Variants in DNAJC10 observed in about 807,000 individuals in gnomAD.
The protein encoded by DNAJC10 is endoplasmic reticulum disulfide reductase DNAJC10.
DNAJC10 carries 101 observed loss-of-function variants against 115.0 expected under a neutral mutation model. That is an observed-to-expected ratio of 0.88 (90% CI 0.75 to 1.04). The LOEUF is 1.04. DNAJC10 is among the 50% of genes least tolerant of loss of function. The pLI is 0.00. For missense variants in DNAJC10, 981 were observed against 928.8 expected (o/e 1.06, Z -0.73); for synonymous variants, 307 against 301.5 (o/e 1.02, Z -0.19).
chr2:182,738,430 A>G (rs1487056385), intron 11 of DNAJC10, among the ~76,000 whole-genome samples: 1 of 152,192 alleles, frequency 6.6e-6, no homozygotes, highest in Admixed American at 6.5e-5. Context: ...AGAAAATTAC[A>G]AGGTCAAAGG....
chr2:182,770,392 A>C (rs1694529855), intron 22 of DNAJC10, among the ~76,000 whole-genome samples: 1 of 152,200 alleles, frequency 6.6e-6, no homozygotes, highest in Non-Finnish European at 1.5e-5. Flanking sequence ...TTGAATCTAT[A>C]AATTACTTTG....
intron 4 of DNAJC10, 149 bp from the exon 5 acceptor site, chr2:182,721,876 T>C: frequency 2.1e-6 from 1 of 474,220 alleles, no homozygotes; most frequent in Non-Finnish European, 3.7e-6. Context: ...TTTACTTTTT[T>C]TTCACTTAGG....
At chr2:182,773,275 C>T (rs1694614857) in intron 22 of DNAJC10, among the ~76,000 whole-genome samples, 1 of 152,126 alleles carries the variant, frequency 6.6e-6, no homozygotes, top group East Asian at 1.9e-4. Flanking sequence ...TTTTTTCCTT[C>T]ATATCAACCT....
intron 9 of DNAJC10, among the ~76,000 whole-genome samples, chr2:182,731,345 T>A (rs1280281280): frequency 1.3e-5 from 2 of 152,116 alleles, no homozygotes; most frequent in Non-Finnish European, 2.9e-5. Context: ...TTTTTCAGCT[T>A]AGACTCATGA....
intron 15 of DNAJC10, 27 bp from the exon 16 acceptor site, chr2:182,752,045 T>G: frequency 1.3e-6 from 2 of 1,553,126 alleles, no homozygotes; most frequent in Non-Finnish European, 8.9e-7. Context: ...TTTGGCTCGG[T>G]GCTTATGAAT....
rs1693395093 is a variant in DNAJC10 at position 182,729,807 on chromosome 2, G to T, written c.634-41G>T. On this transcript the variant is annotated intron_variant, in intron 7 of 23. Transcript: ENST00000264065. The stretch of plus-strand genomic sequence containing the variant: ...TATTATTTTTATTGAGTTTTAAAAA[G>T]AAAAAGTAAAAGATGTTTCTCTTCT... The T allele has an allele frequency of 3.7e-6, 5 of 1,363,364 alleles. No homozygotes were observed. In the Middle Eastern group the frequency reaches 7.4e-4, roughly 202 times the overall value. The allele number at this position is 1,363,364 out of a possible 1,614,324, so 84.5% of individuals were successfully genotyped here. A position where few individuals can be genotyped will look rare whatever the true frequency, so the allele number is the denominator to read the frequency against.
Position 182,785,296 on chromosome 2 carries a change from T to G in DNAJC10, c.*8164T>G, listed in dbSNP as rs1336864659. 6.6e-6 allele frequency: 1 copy of G among 150,462 alleles called. No homozygotes were observed. The allele number at this position is 150,462 out of a possible 1,614,324, so 9.3% of individuals were successfully genotyped here. A position where few individuals can be genotyped will look rare whatever the true frequency, so the allele number is the denominator to read the frequency against. ...CATAAAATTGGACTAATAGCTTAATTTTTTTTTTTAATTCAAAAATCTCAG... is the reference window on the plus strand; with the variant it reads ...CATAAAATTGGACTAATAGCTTAATGTTTTTTTTTAATTCAAAAATCTCAG... On this transcript the variant is annotated 3_prime_UTR_variant, in exon 24 of 24. Coordinates refer to ENST00000264065, the MANE Select transcript of DNAJC10 (RefSeq NM_018981.4).
rs201715091 is a variant in DNAJC10, at chr2:182,743,733, T to TA, written c.1306+30dup. On this transcript the variant is annotated intron_variant, in intron 14 of 23. Coordinates refer to ENST00000264065, the MANE Select transcript of DNAJC10 (RefSeq NM_018981.4). ...TCATGGTAAGAATGGAAAAAAATGA[T>TA]AAAAAAAAACTTAGCTTCATTTTCA... The TA allele has an allele frequency of 1.6e-3, 2,338 of 1,499,054 alleles. 6 individuals carry two copies. Among genetic ancestry groups the TA allele is most frequent in the East Asian group, 0.015 (639 of 44,050 alleles). 92.9% of individuals were successfully genotyped at this position (1,499,054 alleles called of 1,614,324 possible).
chr2:182,777,925 G>GA lies in DNAJC10; in HGVS notation c.*800dup, dbSNP rs1303501751. On this transcript the variant is annotated 3_prime_UTR_variant, in exon 24 of 24. Transcript: ENST00000264065. Reference sequence around the variant, plus strand: ...CCGTATCATCCAGGAAAACCTGAGGGAAAAAAATTATAGCAATTAACTGGG... The same window carrying GA: ...CCGTATCATCCAGGAAAACCTGAGGGAAAAAAAATTATAGCAATTAACTGGG... 3 of 152,066 alleles carry GA rather than the reference G, an allele frequency of 2.0e-5. No individual in the cohort carries two copies. Among genetic ancestry groups the GA allele is most frequent in the Non-Finnish European group, 2.9e-5 (2 of 68,008 alleles). The allele number at this position is 152,066 out of a possible 1,614,324, so 9.4% of individuals were successfully genotyped here. A position where few individuals can be genotyped will look rare whatever the true frequency, so the allele number is the denominator to read the frequency against.
At chr2:182,746,705 C>G (rs562196306) in intron 14 of DNAJC10, among the ~76,000 whole-genome samples, 7 of 152,242 alleles carry the variant, frequency 4.6e-5, no homozygotes, top group South Asian at 2.1e-4. Flanking sequence ...ATGGTACTTT[C>G]TTTTGCTGTG....
chr2:182,776,049 A>C (rs1356490338), intron 23 of DNAJC10, among the ~76,000 whole-genome samples: 1 of 152,166 alleles, frequency 6.6e-6, no homozygotes, highest in Non-Finnish European at 1.5e-5. Context: ...TTGTAATGAC[A>C]GTTGGACAAC....
chr2:182,733,523 T>A (rs1401522093), intron 10 of DNAJC10, among the ~76,000 whole-genome samples: 3 of 151,696 alleles, frequency 2.0e-5, no homozygotes, highest in African/African-American at 4.8e-5. Context: ...ATTTTTTTTT[T>A]AATATTTGGT....
At chr2:182,757,304 TTTTTAAG>T (rs1338946666) in intron 18 of DNAJC10, among the ~76,000 whole-genome samples, 9 of 152,316 alleles carry the variant, frequency 5.9e-5, no homozygotes, top group African/African-American at 1.7e-4. Flanking sequence ...TTCAATAAAA[TTTTTAAG>T]TTCAGGTGTG....
Position 182,778,300 on chromosome 2 carries a change from T to C in DNAJC10, c.*1168T>C, listed in dbSNP as rs1003988176. 1 of 152,170 alleles carries C rather than the reference T, an allele frequency of 6.6e-6. No homozygotes were observed. Among genetic ancestry groups the C allele is most frequent in the Non-Finnish European group, 1.5e-5 (1 of 68,024 alleles). 9.4% of individuals were successfully genotyped at this position (152,170 alleles called of 1,614,324 possible). The stretch of plus-strand genomic sequence containing the variant: ...GAGGGCTGCCTTTTTCAGATAAATA[T>C]TGACATAATAACTGAAGTTATTTTT... On this transcript the variant is annotated 3_prime_UTR_variant, in exon 24 of 24. Transcript: ENST00000264065.
intron 23 of DNAJC10, among the ~76,000 whole-genome samples, chr2:182,775,804 C>G (rs1694691133): frequency 6.6e-6 from 1 of 152,180 alleles, no homozygotes; most frequent in South Asian, 2.1e-4. Flanking sequence ...CTGACCTATG[C>G]TACAACATGT....
At chr2:182,740,468 GTT>G in intron 12 of DNAJC10, 80 bp downstream of exon 12, 1 of 1,326,968 alleles carries the variant, frequency 7.5e-7, no homozygotes, top group Non-Finnish European at 1.0e-6. Context: ...ATTAGCATTT[GTT>G]TTATTCATCT....
chr2:182,759,029 T>C, intron 20 of DNAJC10, 131 bp from the exon 21 acceptor site: 1 of 1,021,578 alleles, frequency 9.8e-7, no homozygotes, highest in Non-Finnish European at 1.4e-6. Context: ...TTAACCAAGA[T>C]AGTACTGTAC....
Position 182,736,383 on chromosome 2 carries a change from T to G in DNAJC10, c.984T>G (p.Ile328Met), listed in dbSNP as rs1345486435. The G allele has an allele frequency of 3.2e-6, 5 of 1,569,790 alleles. No homozygotes were observed. In the East Asian group the frequency reaches 1.2e-4, roughly 37 times the overall value. The change falls in exon 11 of 24, where the codon ATT (isoleucine) becomes ATG (methionine). Residue 328 changes from isoleucine (I) to methionine (M), a missense_variant. Coordinates refer to ENST00000264065, the MANE Select transcript of DNAJC10 (RefSeq NM_018981.4). ...ATLNNKEKNS[I>M]LFLNSLDAKE... ...TAAATAACAAAGAGAAAAACAGTAT[T>G]TTGGTATGAATCACTTTAAACTAAT... is the stretch of plus-strand genomic sequence containing the variant.
At chr2:182,742,615 C>T (rs1338463532) in intron 13 of DNAJC10, among the ~76,000 whole-genome samples, 5 of 152,216 alleles carry the variant, frequency 3.3e-5, no homozygotes, top group South Asian at 2.1e-4. Context: ...CATTTCTCCA[C>T]GCTGTGCCCA....
Sources: allele counts gnomAD v4.1 joint callset (sites outside exome capture counted in the v4.1 genomes callset), GRCh38; gene constraint gnomAD v4.1.1; transcripts MANE v1.5; gene names NCBI Gene and HGNC (gene_info 2026-07-23, HGNC 2026-07-21).